Variants in FMN1 observed in about 807,000 individuals in gnomAD.
The protein encoded by FMN1 is formin-1.
In FMN1, 110 loss-of-function variants were observed where a neutral mutation model predicts 132.4. The observed-to-expected ratio is 0.83, with a 90% CI of 0.71 to 0.97. The LOEUF is 0.97. Among genes scored for constraint, FMN1 ranks in the 50% least tolerant of loss-of-function variants. The pLI is 0.00. For missense variants in FMN1, 1,792 were observed against 1,705.3 expected (o/e 1.05, Z -0.90); for synonymous variants, 722 against 651.7 (o/e 1.11, Z -1.64).
intron 4 of FMN1, among the ~76,000 whole-genome samples, chr15:33,128,626 G>A (rs182376857): frequency 1.3e-5 from 2 of 152,348 alleles, no homozygotes; most frequent in Non-Finnish European, 2.9e-5. Context: ...TGCGGCAAGT[G>A]TTACAGCTCT....
At chr15:33,117,007 G>A (rs911408483) in intron 4 of FMN1, among the ~76,000 whole-genome samples, 48 of 152,260 alleles carry the variant, frequency 3.2e-4, no homozygotes, top group African/African-American at 1.1e-3. Flanking sequence ...AACCAATTAA[G>A]TGTGGCACTG....
intron 20 of FMN1, among the ~76,000 whole-genome samples, chr15:32,774,883 C>T (rs565152973): frequency 2.6e-4 from 40 of 152,146 alleles, no homozygotes; most frequent in Non-Finnish European, 4.4e-4. Context: ...CTTCATTCTC[C>T]GAGCTTCCTC....
chr15:33,016,198 G>GA (rs1165681985), intron 6 of FMN1, among the ~76,000 whole-genome samples: 1 of 152,088 alleles, frequency 6.6e-6, no homozygotes, highest in Non-Finnish European at 1.5e-5. Context: ...GATGACATTT[G>GA]AAAAAATATG....
intron 7 of FMN1, among the ~76,000 whole-genome samples, chr15:33,007,249 T>C (rs1219996334): frequency 6.6e-6 from 1 of 152,186 alleles, no homozygotes; most frequent in Non-Finnish European, 1.5e-5. Context: ...TTGATTAAAT[T>C]AGCAGTCATG....
chr15:33,100,613 A>C (rs1269667569), intron 4 of FMN1, among the ~76,000 whole-genome samples: 1 of 152,164 alleles, frequency 6.6e-6, no homozygotes, highest in Non-Finnish European at 1.5e-5. Flanking sequence ...AATATTTACT[A>C]TTTGGTTTTA....
chr15:32,955,829 G>A (rs1028900574), intron 9 of FMN1, among the ~76,000 whole-genome samples: 2 of 151,752 alleles, frequency 1.3e-5, no homozygotes, highest in African/African-American at 4.9e-5. Context: ...GTGTGTGTGC[G>A]TGCGCGCACG....
intron 15 of FMN1, among the ~76,000 whole-genome samples, chr15:32,889,746 C>T (rs191354302): frequency 2.6e-3 from 393 of 152,308 alleles, no homozygotes; most frequent in African/African-American, 8.6e-3. Context: ...AGGCCTATGA[C>T]GCTTACATTA....
intron 17 of FMN1, among the ~76,000 whole-genome samples, chr15:32,838,957 C>G (rs1342771358): frequency 6.6e-6 from 1 of 152,156 alleles, no homozygotes; most frequent in Non-Finnish European, 1.5e-5. Context: ...GCAAGCACAG[C>G]AGCAGTCCAA....
chr15:32,895,195 T>C (rs368729490), intron 15 of FMN1, among the ~76,000 whole-genome samples: 3 of 152,310 alleles, frequency 2.0e-5, no homozygotes, highest in African/African-American at 7.2e-5. Context: ...AAAACCTTGC[T>C]TATGATCCTG....
chr15:33,037,684 A>C (rs2036249937), intron 6 of FMN1, among the ~76,000 whole-genome samples: 1 of 152,206 alleles, frequency 6.6e-6, no homozygotes, highest in Admixed American at 6.5e-5. Flanking sequence ...TGACTCAATA[A>C]ATGTCAGCTG....
rs180833810 is a variant in FMN1, at chr15:32,990,766, C to T, written c.2223+17248G>A. 6.6e-5 allele frequency among the ~76,000 whole-genome samples: 10 copies of T among 152,244 alleles called. No homozygotes were observed. In the South Asian group the frequency reaches 1.0e-3, roughly 16 times the overall value. ...GTGGAGGCCTCAGGAAACTTACAGT[C>T]GTGGTGGAAGGGGAAGCAAACATGT... On this transcript the variant is annotated intron_variant, in intron 7 of 20. Transcript: ENST00000616417.
At chr15:32,943,243 A>G (rs1016815341) in intron 9 of FMN1, among the ~76,000 whole-genome samples, 31 of 152,224 alleles carry the variant, frequency 2.0e-4, no homozygotes, top group Admixed American at 2.0e-3. Flanking sequence ...AAGTGTGTAA[A>G]TGATCTGGCC....
intron 6 of FMN1, among the ~76,000 whole-genome samples, chr15:33,019,742 C>T (rs928820873): frequency 1.3e-5 from 2 of 152,224 alleles, no homozygotes; most frequent in Admixed American, 6.5e-5. Context: ...CCTCACTGCC[C>T]GCGGCAGGGC....
chr15:33,070,377 G>T (rs115613652), intron 5 of FMN1, among the ~76,000 whole-genome samples: 1 of 133,208 alleles, frequency 7.5e-6, no homozygotes, highest in South Asian at 2.7e-4. Context: ...GAGAGGGCAC[G>T]TATTTGGTCT....
intron 17 of FMN1, among the ~76,000 whole-genome samples, chr15:32,814,072 G>A (rs72717668): frequency 6.6e-6 from 1 of 152,156 alleles, no homozygotes; most frequent in South Asian, 2.1e-4. Flanking sequence ...AAAACAGACC[G>A]TGGGGGTACA....
intron 4 of FMN1, among the ~76,000 whole-genome samples, chr15:33,137,640 G>A (rs1368059374): frequency 1.3e-5 from 2 of 151,998 alleles, no homozygotes; most frequent in Non-Finnish European, 2.9e-5. Flanking sequence ...TACCACCACC[G>A]GACAATGTAT....
At chr15:33,062,637 A>T (rs745400756) in intron 6 of FMN1, 1 of 152,144 alleles carries the variant, frequency 6.6e-6, no homozygotes, top group Non-Finnish European at 1.5e-5. Flanking sequence ...AATAGTAATA[A>T]TAATAATCGG....
intron 17 of FMN1, among the ~76,000 whole-genome samples, chr15:32,827,132 G>A (rs1016105467): frequency 3.3e-5 from 5 of 152,266 alleles, no homozygotes; most frequent in Non-Finnish European, 7.4e-5. Flanking sequence ...ACTTTACTGA[G>A]TGGCCTCCAG....
intron 4 of FMN1, among the ~76,000 whole-genome samples, chr15:33,094,122 G>C (rs775275279): frequency 1.4e-4 from 21 of 152,178 alleles, no homozygotes; most frequent in Non-Finnish European, 2.9e-4. Flanking sequence ...TTAAGAGCGT[G>C]GGTACAGGGC....
Sources: gnomAD v4.1 joint callset for allele counts (sites outside exome capture counted in the v4.1 genomes callset) on GRCh38, gnomAD v4.1.1 for gene constraint, MANE v1.5 for transcripts, NCBI Gene and HGNC (gene_info 2026-07-23, HGNC 2026-07-21) for gene names.